IL16: variants seen among roughly 807,000 people sequenced by gnomAD.
IL16 encodes the protein pro-interleukin-16.
Under a neutral mutation model 110.1 loss-of-function variants are expected in IL16, and 67 were observed. The ratio of observed to expected loss-of-function variants is 0.61; its 90% CI spans 0.50 to 0.75. The LOEUF is 0.75. Ranked by LOEUF, IL16 falls within the 30% of genes least tolerant of loss-of-function variation. IL16 has a pLI of 0.00. For missense variants in IL16, 1,545 were observed against 1,655.0 expected (o/e 0.93, Z 1.15); for synonymous variants, 689 against 662.9 (o/e 1.04, Z -0.61).
chr15:81,207,237 C>CA (rs1246386993), intron 1 of IL16, among the ~76,000 whole-genome samples: 5 of 39,130 alleles, frequency 1.3e-4, no homozygotes, highest in Non-Finnish European at 1.8e-4. Context: ...GACTCTGTCT[C>CA]AAAAAAAACA....
intron 1 of IL16, among the ~76,000 whole-genome samples, chr15:81,214,780 T>C (rs1038187509): frequency 9.2e-5 from 14 of 152,212 alleles, no homozygotes; most frequent in African/African-American, 2.9e-4. Flanking sequence ...ATTTGATCTC[T>C]TTACATACTT....
At chr15:81,273,812 A>G (rs1235117128) in intron 6 of IL16, among the ~76,000 whole-genome samples, 1 of 144,930 alleles carries the variant, frequency 6.9e-6, no homozygotes, top group Non-Finnish European at 1.5e-5. Context: ...CCATCAACCC[A>G]CCCCCTCTCA....
Position 81,310,118 on chromosome 15 carries a change from C to T in IL16, c.*1320C>T, listed in dbSNP as rs2141658000. 6.6e-6 allele frequency: 1 copy of T among 152,390 alleles called. No individual in the cohort carries two copies. The highest frequency in any genetic ancestry group is 3.4e-3 in the Middle Eastern group (1 of 294). 9.4% of individuals were successfully genotyped at this position (152,390 alleles called of 1,614,324 possible). On this transcript the variant is annotated 3_prime_UTR_variant, in exon 19 of 19. Transcript: ENST00000683961. Reference sequence around the variant, plus strand: ...AACAACCAGCATCCCTTGACCAGGCCTGGGCCAGAGTATTGGTCTCCTCTC... The same window carrying T: ...AACAACCAGCATCCCTTGACCAGGCTTGGGCCAGAGTATTGGTCTCCTCTC...
At chr15:81,279,815 G>T (rs561947527) in intron 8 of IL16, 41 bp downstream of exon 8, 1 of 1,557,620 alleles carries the variant, frequency 6.4e-7, no homozygotes, top group South Asian at 1.1e-5. Flanking sequence ...GGGTCTCCCA[G>T]CACTGGCTGA....
At chr15:81,232,077 T>TC (rs1897025196) in intron 2 of IL16, among the ~76,000 whole-genome samples, 2 of 135,612 alleles carry the variant, frequency 1.5e-5, no homozygotes, top group East Asian at 2.1e-4. Context: ...CTTTTTTTTT[T>TC]CACATTTGTT....
At chr15:81,202,484 A>G (rs1566992242) in intron 1 of IL16, among the ~76,000 whole-genome samples, 3 of 114,054 alleles carry the variant, frequency 2.6e-5, no homozygotes, top group African/African-American at 9.8e-5. Context: ...CCCTCCCTAC[A>G]CCCACAACAG....
chr15:81,285,079 C>T (rs1211018002), intron 9 of IL16, among the ~76,000 whole-genome samples: 1 of 151,764 alleles, frequency 6.6e-6, no homozygotes, highest in South Asian at 2.1e-4. Flanking sequence ...GTGTTTCCTA[C>T]CTTTTTTTTT....
At chr15:81,257,586 GC>G (rs1897993515) in intron 2 of IL16, among the ~76,000 whole-genome samples, 1 of 152,164 alleles carries the variant, frequency 6.6e-6, no homozygotes, top group African/African-American at 2.4e-5. Context: ...TTCCAGCAGA[GC>G]CCCTCAATAC....
chr15:81,242,278 T>G (rs1378998384), intron 2 of IL16, among the ~76,000 whole-genome samples: 1 of 152,194 alleles, frequency 6.6e-6, no homozygotes, highest in Non-Finnish European at 1.5e-5. Context: ...ACAAAAAGTC[T>G]TACTGAAGTT....
At chr15:81,218,277 G>T (rs903859812) in intron 1 of IL16, among the ~76,000 whole-genome samples, 4 of 151,792 alleles carry the variant, frequency 2.6e-5, no homozygotes, top group African/African-American at 4.8e-5. Flanking sequence ...AAAATGTTCC[G>T]GAAAAATGTA....
rs769360013 is a variant in IL16, at chr15:81,308,643, G to T, written c.3844G>T (p.Asp1282Tyr). Residue 1282 changes from aspartate to tyrosine, a missense_variant, in exon 19 of 19, where the codon GAT becomes TAT. By Grantham distance (160) the Asp-to-Tyr change is radical. Transcript: ENST00000683961. ...ACAAAGTGAGACAGTCCAGCCTGGA[G>T]ATGAAATCTTACAGCTGGGTGGCAC... Reference protein sequence around the residue: ...SEQSETVQPGDEILQLGGTAM... With the variant: ...SEQSETVQPGYEILQLGGTAM... 1.7e-5 allele frequency: 27 copies of T among 1,613,508 alleles called. No homozygotes were observed. In the Admixed American group the frequency reaches 4.5e-4, roughly 27 times the overall value.
chr15:81,263,679 C>T (rs925545952), intron 3 of IL16, among the ~76,000 whole-genome samples: 2 of 152,170 alleles, frequency 1.3e-5, no homozygotes, highest in South Asian at 2.1e-4. Context: ...ACTGGGCTCT[C>T]CTGTGGCTCT....
At chr15:81,245,393 G>C (rs1897501353) in intron 2 of IL16, among the ~76,000 whole-genome samples, 1 of 152,216 alleles carries the variant, frequency 6.6e-6, no homozygotes, top group Non-Finnish European at 1.5e-5. Context: ...GACACCCAAG[G>C]TGAGGGACTT....
chr15:81,261,080 G>A (rs931307804), intron 3 of IL16, among the ~76,000 whole-genome samples: 1 of 152,126 alleles, frequency 6.6e-6, no homozygotes, highest in African/African-American at 2.4e-5. Context: ...AGATTTACAG[G>A]TTTTTCTCCT....
chr15:81,201,188 G>A (rs1431303697), intron 1 of IL16, among the ~76,000 whole-genome samples: 2 of 151,926 alleles, frequency 1.3e-5, no homozygotes, highest in Non-Finnish European at 2.9e-5. Context: ...TGGTGAAAAA[G>A]AGAAATATAT....
At chr15:81,299,350 C>T in intron 13 of IL16, 30 bp from the exon 14 acceptor site, 1 of 1,607,228 alleles carries the variant, frequency 6.2e-7, no homozygotes. Flanking sequence ...TGATGTAATG[C>T]ACAGCTTTGG....
At chr15:81,212,735 G>A (rs1040653989) in intron 1 of IL16, among the ~76,000 whole-genome samples, 3 of 152,122 alleles carry the variant, frequency 2.0e-5, no homozygotes, top group African/African-American at 7.2e-5. Context: ...GCCTCCAAAA[G>A]TGCCAGGATT....
chr15:81,227,855 G>C (rs1171709309), intron 2 of IL16, among the ~76,000 whole-genome samples: 1 of 152,130 alleles, frequency 6.6e-6, no homozygotes, highest in Non-Finnish European at 1.5e-5. Flanking sequence ...TTGATGCAAG[G>C]ATGTAGCATG....
chr15:81,272,939 G>A (rs1376306658), intron 5 of IL16, 151 bp from the exon 6 acceptor site: 6 of 552,642 alleles, frequency 1.1e-5, no homozygotes, highest in Admixed American at 2.9e-5. Flanking sequence ...TGTTGTTGTT[G>A]TTGTTAACCT....
Sources: allele counts gnomAD v4.1 joint callset (sites outside exome capture counted in the v4.1 genomes callset), GRCh38; gene constraint gnomAD v4.1.1; transcripts MANE v1.5; gene names NCBI Gene and HGNC (gene_info 2026-07-23, HGNC 2026-07-21).